The following MORC3 variants were observed in gnomAD, a reference collection of about 807,000 sequenced individuals.
MORC3 encodes the protein MORC family CW-type zinc finger protein 3.
In MORC3, 31 loss-of-function variants were observed where a neutral mutation model predicts 109.1. That is an observed-to-expected ratio of 0.28 (90% confidence interval 0.21 to 0.38). The LOEUF is 0.38. MORC3 is among the 10% of genes least tolerant of loss of function. The probability of loss-of-function intolerance (pLI) is 1.00; values close to 1 mark genes in which losing one functional copy is unlikely to be tolerated. For synonymous variants in MORC3, 395 were observed against 380.7 expected, an observed-to-expected ratio of 1.04 and a Z score of -0.44; for missense variants, 867 against 1,135.8, an observed-to-expected ratio of 0.76 and a Z score of 3.40.
At chr21:36,323,762 C>T (rs2085217992) in intron 1 of MORC3, among the ~76,000 whole-genome samples, 1 of 152,060 alleles carries the variant, frequency 6.6e-6, no homozygotes, top group African/African-American at 2.4e-5. Flanking sequence ...GGAAAATGTT[C>T]TTACTTATTT....
Position 36,320,761 on chromosome 21 carries a change from G to A in MORC3, c.39+458G>A, listed in dbSNP as rs371358656. ...CGGGGCTGCGGGCCTGCCTGCGGGC[G>A]AGTGGAGTCAGGATGAGTGTGCCTG... On this transcript the variant is annotated intron_variant, in intron 1 of 16. Coordinates refer to ENST00000400485, the MANE Select transcript of MORC3 (RefSeq NM_015358.3). 1.9e-4 allele frequency: 31 copies of A among 163,756 alleles called. No individual in the cohort carries two copies. In the East Asian group the frequency reaches 5.1e-3, roughly 27 times the overall value. 10.1% of individuals were successfully genotyped at this position (163,756 alleles called of 1,614,324 possible).
chr21:36,365,069 A>AAAAG (rs1218471506), intron 14 of MORC3, among the ~76,000 whole-genome samples: 2 of 151,674 alleles, frequency 1.3e-5, no homozygotes, highest in Non-Finnish European at 2.9e-5. Context: ...AAAAAAAAAA[A>AAAAG]ACATGAAGCA....
At chr21:36,351,057 CTTTTTTTTTTTTTT>C (rs748042243) in intron 9 of MORC3, among the ~76,000 whole-genome samples, 1 of 71,428 alleles carries the variant, frequency 1.4e-5, no homozygotes, top group Non-Finnish European at 2.6e-5. Flanking sequence ...GGTTGTCCTC[CTTTTTTTTTTTTTT>C]TTTTTTTTTT....
rs756996305 is a variant in MORC3, at chr21:36,369,665, C to G, written c.2297C>G (p.Pro766Arg). The change falls in exon 15 of 17, where the codon CCA becomes CGA. Residue 766 changes from proline (P) to arginine (R), a missense_variant. By Grantham distance (103) the Pro-to-Arg change is moderately radical (BLOSUM62 -2). Around this residue, in one of 7 missense-constraint regions of MORC3, gnomAD observed 486 missense variants for 502.1 expected, o/e 0.97. Coordinates refer to ENST00000400485, the MANE Select transcript of MORC3 (RefSeq NM_015358.3). ...AGTATTAATGGCAAATCTGAAAGTC[C>G]AGACCATATGGTATCTCAGTATCAG... ...LESINGKSES[P>R]DHMVSQYQQA... 1 of 1,614,146 alleles carries G rather than the reference C, an allele frequency of 6.2e-7. No individual in the cohort carries two copies. Among genetic ancestry groups the G allele is most frequent in the Non-Finnish European group, 8.5e-7 (1 of 1,180,030 alleles).
Position 36,336,984 on chromosome 21 carries a change from G to A in MORC3, c.223G>A (p.Asp75Asn). ...FTDNGNGMTS[D>N]KLHKMLSFGF... ...CGACAATGGGAATGGTATGACTTCT[G>A]ATAAATTACATAAAATGCTAAGGTA... The change falls in exon 3 of 17, where the codon GAT becomes AAT. Residue 75 changes from aspartate to asparagine, a missense_variant. This residue lies in a region of MORC3 where 53 missense variants were observed against 130.3 expected (regional missense o/e 0.41). Transcript: ENST00000400485. 1.9e-6 allele frequency: 3 copies of A among 1,610,934 alleles called. No homozygotes were observed. Among genetic ancestry groups the A allele is most frequent in the South Asian group, 1.1e-5 (1 of 90,106 alleles).
chr21:36,362,021 T>C (rs890577271), intron 12 of MORC3, 162 bp from the exon 13 acceptor site: 8 of 762,510 alleles, frequency 1.0e-5, no homozygotes, highest in Non-Finnish European at 1.8e-5. Context: ...ATTAGGGTGC[T>C]ACTGAGATAA....
chr21:36,330,640 T>C (rs1241419667), intron 1 of MORC3, among the ~76,000 whole-genome samples: 5 of 152,206 alleles, frequency 3.3e-5, no homozygotes, highest in Non-Finnish European at 5.9e-5. Context: ...TCTTCAAATA[T>C]TTTACAAACT....
At chr21:36,360,738 A>C (rs112339966) in intron 12 of MORC3, 83 of 171,472 alleles carry the variant, frequency 4.8e-4, no homozygotes, top group Middle Eastern at 3.0e-3. Context: ...GCCTTGAAGG[A>C]TGGGTACGAT....
chr21:36,336,226 C>T (rs1160533518), intron 2 of MORC3, among the ~76,000 whole-genome samples: 1 of 148,846 alleles, frequency 6.7e-6, no homozygotes, highest in East Asian at 2.0e-4. Context: ...TCACCATGGT[C>T]AGCTTTTTTG....
intron 14 of MORC3, among the ~76,000 whole-genome samples, chr21:36,366,092 G>A (rs1367203343): frequency 1.3e-5 from 2 of 152,086 alleles, no homozygotes. Context: ...TGGGTATATG[G>A]CGTGATCCTG....
chr21:36,370,635 A>ATTTTTTTTTTT (rs1361206395), intron 15 of MORC3, among the ~76,000 whole-genome samples: 4 of 42,004 alleles, frequency 9.5e-5, no homozygotes, highest in Non-Finnish European at 1.8e-4. Context: ...ATATATATAT[A>ATTTTTTTTTTT]TATATTTTTT....
rs929363281 is a variant in MORC3 at position 36,376,183 on chromosome 21, T to A, written c.*887T>A. ...TTATTATATTACAAACCTAAGTGTT[T>A]TATATCCTAGAGTCAAGGAACAAAT... On this transcript the variant is annotated 3_prime_UTR_variant, in exon 17 of 17. Transcript: ENST00000400485. The A allele has an allele frequency of 5.2e-5, 8 of 152,640 alleles. No homozygotes were observed. The highest frequency in any genetic ancestry group is 3.9e-4 in the Admixed American group (6 of 15,272). 9.5% of individuals were successfully genotyped at this position (152,640 alleles called of 1,614,324 possible). A position where few individuals can be genotyped will look rare whatever the true frequency, so the allele number is the denominator to read the frequency against.
intron 12 of MORC3, among the ~76,000 whole-genome samples, chr21:36,361,489 G>T (rs1015156624): frequency 7.4e-6 from 1 of 134,350 alleles, no homozygotes; most frequent in Non-Finnish European, 1.5e-5. Flanking sequence ...ATTGTAGTGA[G>T]CCGAGCACAC....
In MORC3 at chr21:36,357,833, C is replaced by T. The variant is rs554655321; in HGVS notation, c.1208+1109C>T. On this transcript the variant is annotated intron_variant, in intron 10 of 16. Coordinates refer to ENST00000400485, the MANE Select transcript of MORC3 (RefSeq NM_015358.3). ...TCAGCTCACTGCAACCTCCACCTCC[C>T]GGGTTCAAGCAATTCTCCTGCCTCA... 1.7e-4 allele frequency among the ~76,000 whole-genome samples: 26 copies of T among 151,030 alleles called. 1 individual carries two copies. Among genetic ancestry groups the T allele is most frequent in the South Asian group, 1.0e-3 (5 of 4,776 alleles).
chr21:36,354,323 C>CTTTTTTTTTTTTTTTT (rs144208712), intron 9 of MORC3, among the ~76,000 whole-genome samples: 1 of 113,654 alleles, frequency 8.8e-6, no homozygotes, highest in Non-Finnish European at 1.7e-5. Context: ...TTCTTTCTTT[C>CTTTTTTTTTTTTTTTT]TTTTTTTTTT....
In MORC3 at chr21:36,371,780, A is replaced by G. The variant is rs185298812; in HGVS notation, c.2509-594A>G. On this transcript the variant is annotated intron_variant, in intron 15 of 16. Transcript: ENST00000400485. ...ACTGTGACATTAACATAATTTAGGC[A>G]TTAGTATCTTGGTTTTTCTGTTTTG... Among the ~76,000 whole-genome samples the G allele has an allele frequency of 3.3e-3, 500 of 151,526 alleles. 1 individual carries two copies. Among genetic ancestry groups the G allele is most frequent in the Non-Finnish European group, 5.8e-3 (391 of 67,896 alleles).
chr21:36,368,331 C>T (rs796917630), intron 14 of MORC3, among the ~76,000 whole-genome samples: 2 of 151,912 alleles, frequency 1.3e-5, no homozygotes, highest in African/African-American at 4.8e-5. Context: ...GGTGCCATTC[C>T]CTGAGCTGAA....
rs1225615059 is a variant in MORC3 at position 36,340,291 on chromosome 21, A to C, written c.609-1108A>C. Among the ~76,000 whole-genome samples the C allele has an allele frequency of 2.0e-5, 3 of 151,776 alleles. No homozygotes were observed. In the East Asian group the frequency reaches 5.8e-4, roughly 29 times the overall value. ...AGACTCTGTCTCAAAAAAAAAAAAA[A>C]AAACTATAGTACAGTAGTACTATTG... On this transcript the variant is annotated intron_variant, in intron 5 of 16. Transcript: ENST00000400485.
chr21:36,370,774 A>G (rs997902999), intron 15 of MORC3, among the ~76,000 whole-genome samples: 4 of 149,606 alleles, frequency 2.7e-5, no homozygotes, highest in Admixed American at 1.3e-4. Context: ...AGTTCAAGCG[A>G]TTCTCCTGCC....
Sources: allele counts gnomAD v4.1 joint callset (sites outside exome capture counted in the v4.1 genomes callset), GRCh38; gene constraint gnomAD v4.1.1; regional missense constraint gnomAD v4.1.1; transcripts MANE v1.5; gene names NCBI Gene and HGNC (gene_info 2026-07-23, HGNC 2026-07-21).